The following CERT1 variants were observed in gnomAD, a reference collection of about 807,000 sequenced individuals.
CERT1 encodes the protein ceramide transporter 1, also known as ceramide transfer protein.
In CERT1, 31 loss-of-function variants were observed where a neutral mutation model predicts 87.9. The observed-to-expected ratio is 0.35, with a 90% confidence interval of 0.27 to 0.48. The LOEUF (loss-of-function observed/expected upper bound fraction) is 0.48, where lower values mean the gene tolerates loss of function less well. Ranked by LOEUF, CERT1 falls within the 20% of genes least tolerant of loss-of-function variation. The pLI is 0.99. For missense variants in CERT1, 487 were observed against 758.0 expected (o/e 0.64, Z 4.20); for synonymous variants, 289 against 250.9 (o/e 1.15, Z -1.44).
At chr5:75,511,927 C>T (rs1768038109), upstream of CERT1, 12 of 1,119,378 alleles carry the variant, frequency 1.1e-5, no homozygotes, top group Non-Finnish European at 1.5e-5. Flanking sequence ...GAGTATCCCG[C>T]GCGGGGATCG....
intron 11 of CERT1, among the ~76,000 whole-genome samples, chr5:75,396,777 A>G (rs1762276789): frequency 6.6e-6 from 1 of 152,000 alleles, no homozygotes; most frequent in African/African-American, 2.4e-5. Context: ...GCAATGTAAT[A>G]TAACATAAGT....
At chr5:75,456,899 A>G (rs547244032) in intron 3 of CERT1, among the ~76,000 whole-genome samples, 1 of 152,296 alleles carries the variant, frequency 6.6e-6, no homozygotes, top group Admixed American at 6.5e-5. Context: ...AAGGAAGAAA[A>G]CACAAAACGG....
In CERT1 at chr5:75,459,101, A is replaced by G. The variant is rs766813712; in HGVS notation, c.312T>C (p.His104=). 1 of 1,611,446 alleles carries G rather than the reference A, an allele frequency of 6.2e-7. No homozygotes were observed. Among genetic ancestry groups the G allele is most frequent in the Admixed American group, 1.7e-5 (1 of 60,016 alleles). Residue 104 remains histidine (H), a synonymous_variant, in exon 3 of 17, where the codon CAT becomes CAC. Transcript: ENST00000643780. ...CAATGGCATCTATCCATTGCTGTCT[A>G]TGATCTGGATCCTGAGCACGAAGAT... is the stretch of plus-strand genomic sequence containing the variant. ...VWYLRAQDPD[H]RQQWIDAIEQ...
At chr5:75,423,339 A>C (rs1763465628) in intron 5 of CERT1, among the ~76,000 whole-genome samples, 1 of 152,112 alleles carries the variant, frequency 6.6e-6, no homozygotes, top group African/African-American at 2.4e-5. Flanking sequence ...ATACTTTTTT[A>C]ATGAAGGAGA....
rs1761384324 is a variant in CERT1, at chr5:75,377,799, A to G, written c.*1547T>C. The G allele has an allele frequency of 6.7e-6, 1 of 149,446 alleles. No homozygotes were observed. The highest frequency in any genetic ancestry group is 2.4e-5 in the African/African-American group (1 of 40,850). 9.3% of individuals were successfully genotyped at this position (149,446 alleles called of 1,614,324 possible). On this transcript the variant is annotated 3_prime_UTR_variant, in exon 17 of 17. Coordinates refer to ENST00000643780, the MANE Select transcript of CERT1 (RefSeq NM_001379029.1). The stretch of plus-strand genomic sequence containing the variant: ...ATAACTTTTTCATACTTTTGACTTT[A>G]TTTATTTATTTTTTGACAGACATTA...
chr5:75,416,545 G>A (rs1763141831), intron 7 of CERT1, among the ~76,000 whole-genome samples: 1 of 152,156 alleles, frequency 6.6e-6, no homozygotes, highest in Admixed American at 6.5e-5. Flanking sequence ...TAGTTCATAT[G>A]CCTTAAATGC....
At chr5:75,432,512 T>G (rs989076817) in intron 3 of CERT1, among the ~76,000 whole-genome samples, 1 of 152,236 alleles carries the variant, frequency 6.6e-6, no homozygotes, top group Non-Finnish European at 1.5e-5. Flanking sequence ...TGGATGTCTT[T>G]TGAGAAGTGT....
chr5:75,435,736 G>A (rs1297057054), intron 3 of CERT1, among the ~76,000 whole-genome samples: 1 of 152,170 alleles, frequency 6.6e-6, no homozygotes, highest in Non-Finnish European at 1.5e-5. Context: ...TAATCCTGGG[G>A]GGCTGAGACC....
At chr5:75,405,883 G>T (rs1294341088) in intron 8 of CERT1, among the ~76,000 whole-genome samples, 1 of 151,042 alleles carries the variant, frequency 6.6e-6, no homozygotes, top group Non-Finnish European at 1.5e-5. Context: ...GGGGGGGGGG[G>T]GGGTCTTGTA....
intron 2 of CERT1, among the ~76,000 whole-genome samples, chr5:75,477,883 T>C (rs1028159471): frequency 2.0e-5 from 3 of 152,164 alleles, no homozygotes; most frequent in East Asian, 1.9e-4. Context: ...CATAATACTT[T>C]TGTTAAAGGA....
At chr5:75,472,123 G>A (rs1765739944) in intron 2 of CERT1, among the ~76,000 whole-genome samples, 1 of 152,120 alleles carries the variant, frequency 6.6e-6, no homozygotes, top group African/African-American at 2.4e-5. Context: ...ATAAATCCAT[G>A]CATTTACAAC....
chr5:75,508,271 C>T (rs1260710716), intron 1 of CERT1, among the ~76,000 whole-genome samples: 1 of 150,592 alleles, frequency 6.6e-6, no homozygotes, highest in Non-Finnish European at 1.5e-5. Context: ...GTCAAATTCT[C>T]TTAGAGTTAA....
At chr5:75,381,924 T>C (rs199787491) in intron 15 of CERT1, 25 bp downstream of exon 15, 4 of 1,597,448 alleles carry the variant, frequency 2.5e-6, no homozygotes, top group African/African-American at 1.3e-5. Context: ...TGTTTAATTA[T>C]ACACATTTAT....
At chr5:75,459,260 A>G in intron 2 of CERT1, 79 bp from the exon 3 acceptor site, 4 of 787,774 alleles carry the variant, frequency 5.1e-6, no homozygotes. Context: ...CAAAACATGA[A>G]CATACTCATT....
chr5:75,451,982 CT>C (rs2112283809), intron 3 of CERT1, among the ~76,000 whole-genome samples: 1 of 152,220 alleles, frequency 6.6e-6, no homozygotes, highest in African/African-American at 2.4e-5. Flanking sequence ...CAGTAAAAAA[CT>C]TTTTTCACAC....
intron 16 of CERT1, 48 bp downstream of exon 16, chr5:75,381,024 A>G: frequency 6.2e-7 from 1 of 1,604,128 alleles, no homozygotes; most frequent in East Asian, 2.2e-5. Flanking sequence ...ATAGGTCATG[A>G]TCAAGAACAG....
At chr5:75,440,462 A>G (rs1490218139) in intron 3 of CERT1, among the ~76,000 whole-genome samples, 2 of 152,108 alleles carry the variant, frequency 1.3e-5, no homozygotes, top group Non-Finnish European at 2.9e-5. Flanking sequence ...AATCCTAGTC[A>G]TTCCTGTATC....
At chr5:75,491,525 T>G (rs1302006330) in intron 2 of CERT1, among the ~76,000 whole-genome samples, 1 of 151,778 alleles carries the variant, frequency 6.6e-6, no homozygotes, top group Non-Finnish European at 1.5e-5. Context: ...AAAAAAAGGG[T>G]GGATTTAATC....
intron 2 of CERT1, among the ~76,000 whole-genome samples, chr5:75,491,341 A>G (rs1766786631): frequency 1.3e-5 from 2 of 151,978 alleles, no homozygotes; most frequent in South Asian, 4.1e-4. Flanking sequence ...TCCAATTTCC[A>G]AAGAACTCTT....
Sources: gnomAD v4.1 joint callset for allele counts (sites outside exome capture counted in the v4.1 genomes callset) on GRCh38, gnomAD v4.1.1 for gene constraint, MANE v1.5 for transcripts, NCBI Gene and HGNC (gene_info 2026-07-23, HGNC 2026-07-21) for gene names.